The following SHROOM3 variants were observed in gnomAD, a reference collection of about 807,000 sequenced individuals.
The protein encoded by SHROOM3 is shroom family member 3, also known as protein Shroom3.
In SHROOM3, 47 loss-of-function variants were observed where a neutral mutation model predicts 138.6. The ratio of observed to expected loss-of-function variants is 0.34; its 90% confidence interval spans 0.27 to 0.43. The LOEUF is 0.43. SHROOM3 is among the 20% of genes least tolerant of loss of function. The pLI, the probability that SHROOM3 is intolerant of heterozygous loss-of-function variation, is 1.00. For synonymous variants in SHROOM3, 1,062 were observed against 1,063.3 expected (o/e 1.00, Z 0.02); for missense variants, 2,491 against 2,596.5 (o/e 0.96, Z 0.88).
chr4:76,772,483 G>T (rs36057275), intron 10 of SHROOM3, among the ~76,000 whole-genome samples: 9,032 of 152,114 alleles, frequency 0.059, 303 homozygotes, highest in Non-Finnish European at 0.071. Flanking sequence ...AAAGGAAAGA[G>T]GTCCTTTTTC....
At chr4:76,644,044 A>G (rs991110540) in intron 2 of SHROOM3, among the ~76,000 whole-genome samples, 21 of 151,892 alleles carry the variant, frequency 1.4e-4, no homozygotes, top group Non-Finnish European at 4.4e-5. Context: ...GGGTTTCACC[A>G]TGTTGGTCAG....
At chr4:76,503,887 CT>C (rs1315251703) in intron 1 of SHROOM3, among the ~76,000 whole-genome samples, 2 of 152,104 alleles carry the variant, frequency 1.3e-5, no homozygotes, top group Non-Finnish European at 2.9e-5. Flanking sequence ...TGAATGTGTG[CT>C]GACTTTTATT....
At chr4:76,764,533 T>G (rs1722087389) in intron 9 of SHROOM3, among the ~76,000 whole-genome samples, 1 of 152,240 alleles carries the variant, frequency 6.6e-6, no homozygotes, top group Admixed American at 6.5e-5. Context: ...TATTTCAGAA[T>G]AGGTCTGCTG....
At chr4:76,715,489 A>G (rs1366119423) in intron 3 of SHROOM3, among the ~76,000 whole-genome samples, 3 of 152,204 alleles carry the variant, frequency 2.0e-5, no homozygotes, top group African/African-American at 7.2e-5. Flanking sequence ...GCCTTGGGCT[A>G]GGGTAATGAG....
Position 76,741,037 on chromosome 4 carries a change from G to C in SHROOM3, c.2864G>C (p.Arg955Thr). 2 of 1,489,836 alleles carry C rather than the reference G, an allele frequency of 1.3e-6. No homozygotes were observed. The highest frequency in any genetic ancestry group is 1.8e-6 in the Non-Finnish European group (2 of 1,124,532). The allele number at this position is 1,489,836 out of a possible 1,614,324, so 92.3% of individuals were successfully genotyped here. A position where few individuals can be genotyped will look rare whatever the true frequency, so the allele number is the denominator to read the frequency against. ...GAGCTGGGGGCGCCCGTGGCGTCGA[G>C]GTCCTGGCGGCCACGGCCTTCCTCG... ...DLELGAPVAS[R>T]SWRPRPSSAH... Residue 955 changes from arginine to threonine, a missense_variant, in exon 5 of 11, where the codon AGG becomes ACG. Arg to Thr is a moderately conservative substitution (Grantham distance 71, BLOSUM62 -1). Around this residue, in one of 4 missense-constraint regions of SHROOM3, gnomAD observed 1,733 missense variants for 1,661.6 expected, o/e 1.04. Coordinates refer to ENST00000296043, the MANE Select transcript of SHROOM3 (RefSeq NM_020859.4). The surrounding 1 kb of genome is among the most constrained non-coding windows in gnomAD (Gnocchi z 6.2).
At position 76,779,090 on chromosome 4, in the gene SHROOM3, T is replaced by C; in HGVS notation, c.5904T>C (p.Ala1968=). Residue 1968 remains alanine (A), a synonymous_variant, in exon 11 of 11, where the codon GCT becomes GCC. Transcript: ENST00000296043. ...SDFIPKAGAL[A]LPPNLTSEPI... ...TCATTCCCAAGGCTGGGGCCCTGGC[T>C]CTGCCCCCAAACCTCACGAGTGAGC... 1 of 1,614,198 alleles carries C rather than the reference T, an allele frequency of 6.2e-7. No homozygotes were observed. The highest frequency in any genetic ancestry group is 2.2e-5 in the East Asian group (1 of 44,872).
chr4:76,726,623 AGCTTCAAACTCC>A (rs1226495220), intron 3 of SHROOM3, among the ~76,000 whole-genome samples: 2 of 151,146 alleles, frequency 1.3e-5, no homozygotes, highest in African/African-American at 4.9e-5. Flanking sequence ...TGCTCGCTAC[AGCTTCAAACTCC>A]TGGGTTCAAG....
chr4:76,753,558 A>G (rs1042252447), intron 6 of SHROOM3, among the ~76,000 whole-genome samples: 2 of 152,240 alleles, frequency 1.3e-5, no homozygotes, highest in African/African-American at 4.8e-5. Flanking sequence ...CATAGCAGGT[A>G]GTGCCACAGA....
At chr4:76,468,751 C>T (rs1276359802) in intron 1 of SHROOM3, among the ~76,000 whole-genome samples, 1 of 152,008 alleles carries the variant, frequency 6.6e-6, no homozygotes, top group Non-Finnish European at 1.5e-5. Context: ...ATTTGATGGC[C>T]TGGCGCGGTA....
At chr4:76,760,655 G>A (rs1721959961) in intron 9 of SHROOM3, among the ~76,000 whole-genome samples, 2 of 152,212 alleles carry the variant, frequency 1.3e-5, no homozygotes, top group African/African-American at 4.8e-5. Flanking sequence ...GATCTTTGCA[G>A]CACCTCTGGG....
At chr4:76,734,238 GAA>G (rs1720964578) in intron 4 of SHROOM3, among the ~76,000 whole-genome samples, 1 of 151,646 alleles carries the variant, frequency 6.6e-6, no homozygotes, top group South Asian at 2.1e-4. Context: ...ATACTTCTTA[GAA>G]AAAAAAGTTT....
intron 2 of SHROOM3, among the ~76,000 whole-genome samples, chr4:76,692,857 A>T (rs140620875): frequency 5.7e-4 from 87 of 152,356 alleles, no homozygotes; most frequent in Middle Eastern, 3.4e-3. Context: ...CTAGAAAGAG[A>T]TAAGAAGGGA....
intron 1 of SHROOM3, among the ~76,000 whole-genome samples, chr4:76,513,239 C>T (rs1477566359): frequency 2.0e-5 from 3 of 152,158 alleles, no homozygotes; most frequent in Non-Finnish European, 4.4e-5. Flanking sequence ...ACAATGCCAG[C>T]TAAACACAAG....
chr4:76,646,225 A>AATATATATATATATATATATATATAT (rs371944513), intron 2 of SHROOM3, among the ~76,000 whole-genome samples: 8 of 96,144 alleles, frequency 8.3e-5, no homozygotes, highest in Non-Finnish European at 1.2e-4. Flanking sequence ...ATAATAAATA[A>AATATATATATATATATATATATATAT]ATATATATAT....
intron 1 of SHROOM3, among the ~76,000 whole-genome samples, chr4:76,555,074 T>C (rs1733454752): frequency 6.6e-6 from 1 of 151,798 alleles, no homozygotes; most frequent in African/African-American, 2.4e-5. Flanking sequence ...GCTGATTCTA[T>C]GTTATGCTGA....
At chr4:76,599,140 G>A (rs955117952) in intron 2 of SHROOM3, among the ~76,000 whole-genome samples, 2 of 152,182 alleles carry the variant, frequency 1.3e-5, no homozygotes, top group Admixed American at 6.5e-5. Context: ...TCACATCCCC[G>A]TAAAGATCAA....
At position 76,566,894 on chromosome 4, in the gene SHROOM3, T is replaced by C. The variant is rs74504991; in HGVS notation, c.323+11131T>C. On this transcript the variant is annotated intron_variant, in intron 2 of 10. Coordinates refer to ENST00000296043, the MANE Select transcript of SHROOM3 (RefSeq NM_020859.4). ...CATGTGGCAGCTCTGAAGAGCCTCA[T>C]TAGTCGTTGGCAAAATTATGTCTCT... Among the ~76,000 whole-genome samples, 1,519 of 152,392 alleles carry C rather than the reference T, an allele frequency of 1.0e-2. 35 individuals carry two copies. Among genetic ancestry groups the C allele is most frequent in the African/African-American group, 0.035 (1,441 of 41,600 alleles).
At chr4:76,729,151 G>C (rs1578000380) in intron 3 of SHROOM3, among the ~76,000 whole-genome samples, 1 of 152,208 alleles carries the variant, frequency 6.6e-6, no homozygotes, top group East Asian at 1.9e-4. Flanking sequence ...ACTATAATCT[G>C]CCCTTCATTG....
chr4:76,460,951 C>T (rs1003766901), intron 1 of SHROOM3, among the ~76,000 whole-genome samples: 4 of 151,094 alleles, frequency 2.6e-5, no homozygotes, highest in Non-Finnish European at 5.9e-5. Flanking sequence ...CATAATCACA[C>T]CACCACTGCA....
Sources: gnomAD v4.1 joint callset for allele counts (sites outside exome capture counted in the v4.1 genomes callset) on GRCh38, gnomAD v4.1.1 for gene constraint, gnomAD v4.1.1 regional missense constraint, Gnocchi (gnomAD v3.1) non-coding constraint, MANE v1.5 for transcripts, NCBI Gene and HGNC (gene_info 2026-07-23, HGNC 2026-07-21) for gene names.